The following SKP1 variants were observed in gnomAD, a reference collection of about 807,000 sequenced individuals.
SKP1 encodes the protein S-phase kinase associated protein 1, also known as S-phase kinase-associated protein 1.
Under a neutral mutation model 21.5 loss-of-function variants are expected in SKP1, and 1 was observed. The ratio of observed to expected loss-of-function variants is 0.05; its 90% confidence interval spans 0.02 to 0.22. The LOEUF (loss-of-function observed/expected upper bound fraction) is 0.22. Among genes scored for constraint, SKP1 ranks in the 10% least tolerant of loss-of-function variants. SKP1 has a pLI of 1.00. For missense variants in SKP1, 70 were observed against 192.0 expected (o/e 0.36, Z 3.76); for synonymous variants, 59 against 59.3 (o/e 0.99, Z 0.03).
rs1176681263 is a variant in SKP1, at chr5:134,161,060, C to T, written c.242G>A (p.Arg81Gln). ...GTCCCAAACAGGGATATCATCTGTT[C>T]GCTTTTCTTTGTTCTCATCATCTTC... ...PPEDDENKEK[R>Q]TDDIPVWDQE... The change falls in exon 4 of 6, where the codon CGA becomes CAA. Residue 81 changes from arginine to glutamine, a missense_variant. Physicochemically the swap from Arg to Gln is conservative, Grantham distance 43. Coordinates refer to ENST00000353411, the MANE Select transcript of SKP1 (RefSeq NM_170679.3). 9 of 1,612,988 alleles carry T rather than the reference C, an allele frequency of 5.6e-6. No individual in the cohort carries two copies. Among genetic ancestry groups the T allele is most frequent in the Non-Finnish European group, 7.6e-6 (9 of 1,179,210 alleles).
chr5:134,155,073 A>AAT lies in SKP1; in HGVS notation c.*2658_*2659dup, dbSNP rs1356196029. The AAT allele has an allele frequency of 6.6e-6, 1 of 152,258 alleles. No individual in the cohort carries two copies. Among genetic ancestry groups the AAT allele is most frequent in the Non-Finnish European group, 1.5e-5 (1 of 68,048 alleles). The allele number at this position is 152,258 out of a possible 1,614,324, so 9.4% of individuals were successfully genotyped here. On this transcript the variant is annotated 3_prime_UTR_variant, in exon 6 of 6. Coordinates refer to ENST00000353411, the MANE Select transcript of SKP1 (RefSeq NM_170679.3). ...TGACTTCCAATGAAGTTCTGGAACT[A>AAT]ATATAAAGCAGACTGCACTAGATCT...
In SKP1 at chr5:134,149,108, C is replaced by T. The variant is rs1157502182; in HGVS notation, c.*8625G>A. 1 of 152,162 alleles carries T rather than the reference C, an allele frequency of 6.6e-6. No homozygotes were observed. The allele number at this position is 152,162 out of a possible 1,614,324, so 9.4% of individuals were successfully genotyped here. A position where few individuals can be genotyped will look rare whatever the true frequency, so the allele number is the denominator to read the frequency against. ...AGGGGGTACAAGTGCAGCTGTGTTA[C>T]ATGAACATACTGGGTAGCGGTGAGG... is the stretch of plus-strand genomic sequence containing the variant. On this transcript the variant is annotated 3_prime_UTR_variant, in exon 6 of 6. Transcript: ENST00000353411.
In SKP1 at chr5:134,157,500, GT is replaced by G. The variant is rs751201779; in HGVS notation, c.*232del. 16 of 489,126 alleles carry G rather than the reference GT, an allele frequency of 3.3e-5. No homozygotes were observed. The highest frequency in any genetic ancestry group is 5.5e-5 in the Non-Finnish European group (15 of 272,778). 30.3% of individuals were successfully genotyped at this position (489,126 alleles called of 1,614,324 possible). A position where few individuals can be genotyped will look rare whatever the true frequency, so the allele number is the denominator to read the frequency against. The stretch of plus-strand genomic sequence containing the variant: ...CCACTTATAGAGAACCCACAGTTCA[GT>G]TTTATTCAGAGCAAAGAAAAAAGAA... On this transcript the variant is annotated 3_prime_UTR_variant, in exon 6 of 6. Coordinates refer to ENST00000353411, the MANE Select transcript of SKP1 (RefSeq NM_170679.3).
At chr5:134,176,675 G>A (rs1761554714) in intron 1 of SKP1, 180 bp downstream of exon 1, 1 of 152,430 alleles carries the variant, frequency 6.6e-6, no homozygotes, top group South Asian at 2.1e-4. Context: ...GGCGGGGCAG[G>A]TGAACGGAAC....
chr5:134,163,230 AT>A (rs1337661923), intron 3 of SKP1, among the ~76,000 whole-genome samples: 1 of 118,078 alleles, frequency 8.5e-6, no homozygotes, highest in Non-Finnish European at 2.1e-5. Context: ...AAAAAAAAAA[AT>A]CACTATCACT....
In SKP1 at chr5:134,149,169, T is replaced by G. The variant is rs1760996882; in HGVS notation, c.*8564A>C. The G allele has an allele frequency of 6.6e-6, 1 of 152,250 alleles. No homozygotes were observed. Among genetic ancestry groups the G allele is most frequent in the African/African-American group, 2.4e-5 (1 of 41,450 alleles). The allele number at this position is 152,250 out of a possible 1,614,324, so 9.4% of individuals were successfully genotyped here. A position where few individuals can be genotyped will look rare whatever the true frequency, so the allele number is the denominator to read the frequency against. ...TAGTGTGCCTCTCACCCAAACAGTG[T>G]ACTGTGCACGTAAGTAGTGTACATT... On this transcript the variant is annotated 3_prime_UTR_variant, in exon 6 of 6. Transcript: ENST00000353411.
chr5:134,168,934 G>A (rs1380753522), intron 2 of SKP1, among the ~76,000 whole-genome samples: 1 of 152,026 alleles, frequency 6.6e-6, no homozygotes, highest in Non-Finnish European at 1.5e-5. Flanking sequence ...ACAACTGCAG[G>A]TAAGTTTGGG....
At chr5:134,173,054 A>G (rs1354778379) in intron 2 of SKP1, among the ~76,000 whole-genome samples, 1 of 149,374 alleles carries the variant, frequency 6.7e-6, no homozygotes, top group Non-Finnish European at 1.5e-5. Flanking sequence ...CAGCTGGGGC[A>G]GGGCGCGGTG....
chr5:134,163,212 CAA>C (rs747546593), intron 3 of SKP1, among the ~76,000 whole-genome samples: 15 of 70,090 alleles, frequency 2.1e-4, no homozygotes, highest in African/African-American at 8.3e-4. Context: ...GCGATTCTGT[CAA>C]AAAAAAAAAA....
chr5:134,161,257 A>G, intron 3 of SKP1, 127 bp from the exon 4 acceptor site: 1 of 786,076 alleles, frequency 1.3e-6, no homozygotes, highest in South Asian at 2.5e-5. Flanking sequence ...TTAACAGCCA[A>G]GCTTGAAAAA....
At chr5:134,166,781 G>A (rs1761340847) in intron 3 of SKP1, among the ~76,000 whole-genome samples, 1 of 152,120 alleles carries the variant, frequency 6.6e-6, no homozygotes, top group Non-Finnish European at 1.5e-5. Flanking sequence ...AGACAGTCAC[G>A]ATTCAATTCC....
chr5:134,162,452 C>G (rs562848203), intron 3 of SKP1, among the ~76,000 whole-genome samples: 46 of 152,332 alleles, frequency 3.0e-4, no homozygotes, highest in African/African-American at 1.0e-3. Context: ...GTTGCCCAGG[C>G]TGGAGTGCAA....
Position 134,156,716 on chromosome 5 carries a change from T to TA in SKP1, c.*1016dup, listed in dbSNP as rs981926068. On this transcript the variant is annotated 3_prime_UTR_variant, in exon 6 of 6. Transcript: ENST00000353411. ...AAAGTACTAGCTCCAGTTAGGCATA[T>TA]AAATGACAATTAGAAGGGACAGAAG... 4 of 152,274 alleles carry TA rather than the reference T, an allele frequency of 2.6e-5. No homozygotes were observed. The highest frequency in any genetic ancestry group is 9.7e-5 in the African/African-American group (4 of 41,432). 9.4% of individuals were successfully genotyped at this position (152,274 alleles called of 1,614,324 possible).
chr5:134,167,813 C>T (rs948780715), intron 2 of SKP1, among the ~76,000 whole-genome samples: 2 of 152,170 alleles, frequency 1.3e-5, no homozygotes, highest in East Asian at 1.9e-4. Context: ...CGTGAGCCAC[C>T]GCGTCCAGCC....
chr5:134,168,478 A>G (rs1281285657), intron 2 of SKP1, among the ~76,000 whole-genome samples: 6 of 152,242 alleles, frequency 3.9e-5, no homozygotes. Context: ...GTAGGTTAAA[A>G]AAGAAAATTA....
chr5:134,162,680 C>A (rs940530428), intron 3 of SKP1, among the ~76,000 whole-genome samples: 1 of 152,182 alleles, frequency 6.6e-6, no homozygotes, highest in Admixed American at 6.5e-5. Context: ...AGCCACTGCA[C>A]CCAGCTAAGG....
At chr5:134,173,534 C>T in intron 2 of SKP1, 1 of 355,396 alleles carries the variant, frequency 2.8e-6, no homozygotes, top group Non-Finnish European at 5.5e-6. Flanking sequence ...ATCCACAGAG[C>T]TCACTCCCTC....
At chr5:134,171,890 CA>C (rs1561723179) in intron 2 of SKP1, among the ~76,000 whole-genome samples, 1 of 152,078 alleles carries the variant, frequency 6.6e-6, no homozygotes, top group East Asian at 1.9e-4. Context: ...ACTAAAAATA[CA>C]AAATTTGCCT....
rs189694210 is a variant in SKP1, at chr5:134,164,810, T to C, written c.171+2360A>G. On this transcript the variant is annotated intron_variant, in intron 3 of 5. Transcript: ENST00000353411. ...AAGCCTATTAGATAATACCACTGAA[T>C]TGTCACTTAAAAATGGTTAAGGTGG... is the stretch of plus-strand genomic sequence containing the variant. Among the ~76,000 whole-genome samples, 6 of 152,268 alleles carry C rather than the reference T, an allele frequency of 3.9e-5. No individual in the cohort carries two copies. In the East Asian group the frequency reaches 9.6e-4, roughly 24 times the overall value.
Sources: gnomAD v4.1 joint callset for allele counts (sites outside exome capture counted in the v4.1 genomes callset) on GRCh38, gnomAD v4.1.1 for gene constraint, MANE v1.5 for transcripts, NCBI Gene and HGNC (gene_info 2026-07-23, HGNC 2026-07-21) for gene names.